PIK3CD: variants seen among roughly 807,000 people sequenced by gnomAD.
PIK3CD encodes phosphatidylinositol 4,5-bisphosphate 3-kinase catalytic subunit delta isoform.
A neutral mutation model predicts 122.9 loss-of-function variants in PIK3CD; 20 were observed. The observed-to-expected ratio is 0.16, with a 90% CI of 0.11 to 0.24. The LOEUF is 0.24. Ranked by LOEUF, PIK3CD falls within the 10% of genes least tolerant of loss-of-function variation. The pLI is 1.00. For synonymous variants in PIK3CD, 596 were observed against 593.4 expected (o/e 1.00, Z -0.06); for missense variants, 787 against 1,406.3 (o/e 0.56, Z 7.04).
intron 1 of PIK3CD, among the ~76,000 whole-genome samples, chr1:9,658,521 ATTTT>A (rs1165670404): frequency 0.016 from 1,423 of 91,156 alleles, 26 homozygotes; most frequent in African/African-American, 0.067. Context: ...TCCCAGCCAC[ATTTT>A]TTTTTTTTTT....
In PIK3CD at chr1:9,719,010, C is replaced by A; in HGVS notation, c.1242+95C>A. ...CACCACTCTCCTCCCGGCAAGCACG[C>A]AGCCTGGGGATGGGGGTCCTGGGAT... On this transcript the variant is annotated intron_variant, in intron 9 of 23. Transcript: ENST00000377346. The surrounding 1 kb of genome is among the most constrained non-coding windows in gnomAD (Gnocchi z 5.5). The A allele has an allele frequency of 8.4e-7, 1 of 1,191,588 alleles. No homozygotes were observed. Among genetic ancestry groups the A allele is most frequent in the Non-Finnish European group, 1.2e-6 (1 of 826,666 alleles). The allele number at this position is 1,191,588 out of a possible 1,614,324, so 73.8% of individuals were successfully genotyped here.
At chr1:9,646,262 G>A in the PIK3CD span, among the ~76,000 whole-genome samples, 5 of 152,172 alleles carry the variant, frequency 3.3e-5, no homozygotes, top group Non-Finnish European at 5.9e-5. Flanking sequence ...GCGGTTGTAC[G>A]TATCAGGGAG....
chr1:9,640,415 C>T, the PIK3CD span, among the ~76,000 whole-genome samples: 2 of 151,686 alleles, frequency 1.3e-5, no homozygotes, highest in East Asian at 3.9e-4. Context: ...CCTCATCTCT[C>T]CTAAAAATAC....
chr1:9,692,985 C>T (rs1032403201), intron 2 of PIK3CD, among the ~76,000 whole-genome samples: 2 of 152,132 alleles, frequency 1.3e-5, no homozygotes, highest in African/African-American at 4.8e-5. Flanking sequence ...TTTATACTGA[C>T]TTGATCTTTG....
upstream of PIK3CD, among the ~76,000 whole-genome samples, chr1:9,649,601 T>A (rs1644637931): frequency 6.6e-6 from 1 of 152,152 alleles, no homozygotes; most frequent in Admixed American, 6.6e-5. Context: ...GGCCCAGGCA[T>A]CTCTTGGGTA....
chr1:9,699,497 C>T lies in PIK3CD; in HGVS notation c.-33+7926C>T, dbSNP rs186839153. ...GATACTGGACTCCTCACCATGGCTA[C>T]GGGGCCCTGCAGGGTCAGACTCACC... On this transcript the variant is annotated intron_variant, in intron 2 of 23. Coordinates refer to ENST00000377346, the MANE Select transcript of PIK3CD (RefSeq NM_005026.5). Among the ~76,000 whole-genome samples the T allele has an allele frequency of 2.3e-3, 345 of 152,282 alleles. 4 individuals carry two copies. The highest frequency in any genetic ancestry group is 7.8e-3 in the African/African-American group (324 of 41,564).
At chr1:9,683,894 C>T (rs74054318) in intron 1 of PIK3CD, among the ~76,000 whole-genome samples, 5,896 of 152,154 alleles carry the variant, frequency 0.039, 127 homozygotes, top group Middle Eastern at 0.078. Flanking sequence ...ATGTCTGGTA[C>T]CTGGGTGGGA....
At chr1:9,682,078 A>G (rs60771289) in intron 1 of PIK3CD, among the ~76,000 whole-genome samples, 5,046 of 151,946 alleles carry the variant, frequency 0.033, 274 homozygotes, top group African/African-American at 0.12. Flanking sequence ...GACTACCACC[A>G]CGCCTGGCTA....
chr1:9,660,464 C>T (rs769636234), intron 1 of PIK3CD, among the ~76,000 whole-genome samples: 1 of 152,142 alleles, frequency 6.6e-6, no homozygotes, highest in Non-Finnish European at 1.5e-5. Flanking sequence ...TAACAGTTTT[C>T]CACATTGCTT....
At chr1:9,668,127 G>A (rs1022489694) in intron 1 of PIK3CD, among the ~76,000 whole-genome samples, 2 of 151,900 alleles carry the variant, frequency 1.3e-5, no homozygotes, top group Admixed American at 6.6e-5. Context: ...TATAGCATGA[G>A]GTCTGCACTT....
In PIK3CD at chr1:9,661,381, A is replaced by G. The variant is rs188087883; in HGVS notation, c.-138+9579A>G. 2.3e-3 allele frequency among the ~76,000 whole-genome samples: 356 copies of G among 151,846 alleles called. 2 individuals are homozygous for G. The highest frequency in any genetic ancestry group is 7.7e-3 in the African/African-American group (319 of 41,474). ...AGGCCTGAGCCACTGTACCCAGCCA[A>G]GGATTTTTCTTTTCTTTTCTTTTTC... On this transcript the variant is annotated intron_variant, in intron 1 of 23. Transcript: ENST00000377346.
chr1:9,721,006 G>A, intron 13 of PIK3CD, 97 bp downstream of exon 13: 1 of 1,451,058 alleles, frequency 6.9e-7, no homozygotes, highest in Non-Finnish European at 9.4e-7. Context: ...CCCTCACCCT[G>A]GCCAACCTTC....
At position 9,716,613 on chromosome 1, in the gene PIK3CD, G is replaced by C; in HGVS notation, c.774G>C (p.Gln258His). ...TGTATGGCAGCTACCCGCTCTGCCA[G>C]TTCCAGGTGAGGCCGCTGAGGCCCT... is the stretch of plus-strand genomic sequence containing the variant. ...EYLYGSYPLC[Q>H]FQYICSCLHS... Residue 258 changes from glutamine to histidine, a missense_variant, in exon 6 of 24, where the codon CAG becomes CAC. Gln to His is a conservative substitution (Grantham distance 24, BLOSUM62 0). Coordinates refer to ENST00000377346, the MANE Select transcript of PIK3CD (RefSeq NM_005026.5). 6.4e-7 allele frequency: 1 copy of C among 1,557,662 alleles called. No individual in the cohort carries two copies. The highest frequency in any genetic ancestry group is 8.7e-7 in the Non-Finnish European group (1 of 1,152,140).
rs1485433104 is a variant in PIK3CD at position 9,700,636 on chromosome 1, C to T, written c.-33+9065C>T. 6.6e-6 allele frequency among the ~76,000 whole-genome samples: 1 copy of T among 152,108 alleles called. No individual in the cohort carries two copies. The highest frequency in any genetic ancestry group is 2.4e-5 in the African/African-American group (1 of 41,426). On this transcript the variant is annotated intron_variant, in intron 2 of 23. Coordinates refer to ENST00000377346, the MANE Select transcript of PIK3CD (RefSeq NM_005026.5). The surrounding 1 kb of genome is among the most constrained non-coding windows in gnomAD (Gnocchi z 5.1). Reference sequence around the variant, plus strand: ...CTAGGCCGTCTCACCTGCCCCTCCCCGGCTCCACATCTGTCTGTAGCCTGC... The same window carrying T: ...CTAGGCCGTCTCACCTGCCCCTCCCTGGCTCCACATCTGTCTGTAGCCTGC...
intron 1 of PIK3CD, among the ~76,000 whole-genome samples, chr1:9,690,741 A>G (rs1646168422): frequency 6.6e-6 from 1 of 151,920 alleles, no homozygotes; most frequent in East Asian, 1.9e-4. Context: ...CTGCTGTTTG[A>G]CTCATGGAGA....
At chr1:9,711,145 G>A (rs1035019745) in intron 3 of PIK3CD, among the ~76,000 whole-genome samples, 1 of 152,102 alleles carries the variant, frequency 6.6e-6, no homozygotes, top group Admixed American at 6.6e-5. Flanking sequence ...CTAGGCTGGA[G>A]TGCAGTGGCA....
the PIK3CD span, among the ~76,000 whole-genome samples, chr1:9,633,672 G>A: frequency 1.4e-4 from 22 of 152,294 alleles, no homozygotes; most frequent in African/African-American, 4.3e-4. Context: ...TCATGTCCCC[G>A]AGGTTTGGGT....
chr1:9,671,704 C>A (rs758173156), intron 1 of PIK3CD, among the ~76,000 whole-genome samples: 9 of 152,180 alleles, frequency 5.9e-5, no homozygotes, highest in South Asian at 4.1e-4. Context: ...CCTCGGCCCC[C>A]CAAAGTGCTG....
intron 1 of PIK3CD, among the ~76,000 whole-genome samples, chr1:9,665,045 A>G (rs529691417): frequency 1.3e-5 from 2 of 151,962 alleles, no homozygotes; most frequent in Non-Finnish European, 2.9e-5. Context: ...CCTACAAAAA[A>G]TAAAAACAGT....
Sources: gnomAD v4.1 joint callset for allele counts (sites outside exome capture counted in the v4.1 genomes callset) on GRCh38, gnomAD v4.1.1 for gene constraint, Gnocchi (gnomAD v3.1) non-coding constraint, MANE v1.5 for transcripts, NCBI Gene and HGNC (gene_info 2026-07-23, HGNC 2026-07-21) for gene names.